ZNF385C: variants seen among roughly 807,000 people sequenced by gnomAD.
ZNF385C encodes the protein zinc finger protein 385C.
Under a neutral mutation model 35.4 loss-of-function variants are expected in ZNF385C, and 28 were observed. The observed-to-expected ratio is 0.79, with a 90% CI of 0.59 to 1.08. The LOEUF is 1.08. Ranked by LOEUF, ZNF385C falls within the 50% of genes least tolerant of loss-of-function variation. The probability of loss-of-function intolerance (pLI) is 0.00; values close to 1 mark genes in which losing one functional copy is unlikely to be tolerated. For synonymous variants in ZNF385C, 248 were observed against 248.2 expected, an observed-to-expected ratio of 1.00 and a Z score of 0.01; for missense variants, 605 against 595.6, an observed-to-expected ratio of 1.02 and a Z score of -0.16.
intron 2 of ZNF385C, among the ~76,000 whole-genome samples, chr17:42,058,781 G>A (rs1567991625): frequency 2.0e-5 from 3 of 152,104 alleles, no homozygotes; most frequent in South Asian, 4.1e-4. Context: ...TCAGCCTCCC[G>A]AGTAGCTGGG....
intron 1 of ZNF385C, among the ~76,000 whole-genome samples, chr17:42,063,980 G>A (rs952976223): frequency 6.6e-6 from 1 of 152,074 alleles, no homozygotes; most frequent in Non-Finnish European, 1.5e-5. Context: ...GCAACAGTTG[G>A]TGGTTTCGGT....
intron 1 of ZNF385C, among the ~76,000 whole-genome samples, chr17:42,094,293 T>C (rs1383009058): frequency 1.3e-5 from 2 of 152,168 alleles, no homozygotes; most frequent in African/African-American, 4.8e-5. Flanking sequence ...GTCACCTTCT[T>C]TCAGGACTCT....
chr17:42,051,790 G>A (rs2053286760), intron 2 of ZNF385C, among the ~76,000 whole-genome samples: 3 of 152,176 alleles, frequency 2.0e-5, no homozygotes, highest in Admixed American at 1.3e-4. Context: ...AGCCCCACCA[G>A]TGGCTGCTGG....
intron 3 of ZNF385C, among the ~76,000 whole-genome samples, chr17:42,036,968 G>T (rs2052869639): frequency 6.6e-6 from 1 of 152,154 alleles, no homozygotes; most frequent in Non-Finnish European, 1.5e-5. Flanking sequence ...AGAGATGGTT[G>T]CTGATCCCTC....
chr17:42,068,125 C>T (rs1198038496), intron 1 of ZNF385C, among the ~76,000 whole-genome samples: 1 of 152,120 alleles, frequency 6.6e-6, no homozygotes, highest in Admixed American at 6.5e-5. Flanking sequence ...CCACACTGCC[C>T]CAGCTAAGCT....
chr17:42,066,449 T>A (rs1465585053), intron 1 of ZNF385C, among the ~76,000 whole-genome samples: 5 of 152,178 alleles, frequency 3.3e-5, no homozygotes, highest in Non-Finnish European at 7.3e-5. Context: ...TGTACCTGGG[T>A]CACTGCAAAT....
At chr17:42,066,390 T>G (rs1337321467) in intron 1 of ZNF385C, among the ~76,000 whole-genome samples, 1 of 152,152 alleles carries the variant, frequency 6.6e-6, no homozygotes, top group African/African-American at 2.4e-5. Context: ...AGTGTGTCTG[T>G]CTCTTGCAGC....
chr17:42,039,457 G>A (rs897298032), intron 2 of ZNF385C: 10 of 378,838 alleles, frequency 2.6e-5, no homozygotes, highest in Non-Finnish European at 4.2e-5. Context: ...GGCCAGGAAT[G>A]ATTTAGGGTA....
chr17:42,076,608 T>C (rs1408504991), intron 1 of ZNF385C, among the ~76,000 whole-genome samples: 2 of 151,798 alleles, frequency 1.3e-5, no homozygotes, highest in African/African-American at 4.8e-5. Flanking sequence ...GGCGATAAAA[T>C]GAGACTCTGT....
At chr17:42,098,249 G>A (rs1159386389) in intron 1 of ZNF385C, among the ~76,000 whole-genome samples, 161 bp downstream of exon 1, 1 of 152,240 alleles carries the variant, frequency 6.6e-6, no homozygotes, top group Admixed American at 6.5e-5. Context: ...CCCAGCAGAT[G>A]CCCAACGTCG....
At chr17:42,031,917 T>C in intron 4 of ZNF385C, 133 bp from the exon 5 acceptor site, 2 of 980,714 alleles carry the variant, frequency 2.0e-6, no homozygotes, top group Non-Finnish European at 1.5e-6. Flanking sequence ...GTCCTTGTCC[T>C]TGTCATCATC....
intron 2 of ZNF385C, among the ~76,000 whole-genome samples, chr17:42,054,947 C>T (rs1473571364): frequency 6.6e-6 from 1 of 152,106 alleles, no homozygotes; most frequent in Non-Finnish European, 1.5e-5. Context: ...CATTCTTCTC[C>T]TCTCCATTCA....
rs2052629867 is a variant in ZNF385C, at chr17:42,027,873, G to C, written c.1165-145C>G. The stretch of plus-strand genomic sequence containing the variant: ...GGTCCTCACCCTGGGGTAGGCCCTG[G>C]GAAGGGGAGGTGAGTCTTGGCCTTT... On this transcript the variant is annotated intron_variant, in intron 7 of 8. Coordinates refer to ENST00000692273, the MANE Select transcript of ZNF385C (RefSeq NM_001392013.1). 1.5e-5 allele frequency: 18 copies of C among 1,198,898 alleles called. No homozygotes were observed. The South Asian group carries it at 2.3e-4, about 15-fold the overall frequency. The allele number at this position is 1,198,898 out of a possible 1,614,324, so 74.3% of individuals were successfully genotyped here.
At chr17:42,069,952 G>T (rs541745303) in intron 1 of ZNF385C, among the ~76,000 whole-genome samples, 1 of 152,314 alleles carries the variant, frequency 6.6e-6, no homozygotes, top group African/African-American at 2.4e-5. Context: ...TGAGGCAGGA[G>T]AATTGCTTGA....
chr17:42,082,009 C>A (rs2053754476), intron 1 of ZNF385C, among the ~76,000 whole-genome samples: 1 of 152,182 alleles, frequency 6.6e-6, no homozygotes, highest in African/African-American at 2.4e-5. Flanking sequence ...CCACCTGCTG[C>A]TCCCATGAGC....
In ZNF385C at chr17:42,038,290, A is replaced by G. The variant is rs1401928948; in HGVS notation, c.251-405T>C. 16 of 534,056 alleles carry G rather than the reference A, an allele frequency of 3.0e-5. No individual in the cohort carries two copies. The Admixed American group carries it at 5.4e-4, about 18-fold the overall frequency. 33.1% of individuals were successfully genotyped at this position (534,056 alleles called of 1,614,324 possible). A position where few individuals can be genotyped will look rare whatever the true frequency, so the allele number is the denominator to read the frequency against. ...AACTCAAACCCAGGGGTATTAGGAA[A>G]AGGCTAGCCCTCGCCCCTCTCACTC... On this transcript the variant is annotated intron_variant, in intron 2 of 8. Transcript: ENST00000692273.
rs1555655621 is a variant in ZNF385C, at chr17:42,037,750, G to C, written c.386C>G (p.Pro129Arg). 31 of 1,534,466 alleles carry C rather than the reference G, an allele frequency of 2.0e-5. No individual in the cohort carries two copies. The highest frequency in any genetic ancestry group is 1.7e-5 in the Non-Finnish European group (19 of 1,140,194). ...CCCAGCCCATACCGTGCTGAAGTTG[G>C]GGAAGAGACTGAGCGGGGCAGCGCC... ...FNGAAPLSLFPNFSTMDPVQK... is the reference protein window; with the variant it reads ...FNGAAPLSLFRNFSTMDPVQK... The change falls in exon 3 of 9, where the codon CCC (proline) becomes CGC (arginine). Residue 129 changes from proline to arginine, a missense_variant. By Grantham distance (103) the Pro-to-Arg change is moderately radical. Coordinates refer to ENST00000692273, the MANE Select transcript of ZNF385C (RefSeq NM_001392013.1).
chr17:42,041,291 G>A (rs2053015096), intron 2 of ZNF385C: 2 of 1,035,948 alleles, frequency 1.9e-6, no homozygotes, highest in Admixed American at 4.3e-5. Flanking sequence ...CAGGCCTTGA[G>A]GTTAGACAGA....
intron 2 of ZNF385C, chr17:42,041,106 G>A (rs1314859032): frequency 8.1e-7 from 1 of 1,232,328 alleles, no homozygotes; most frequent in Non-Finnish European, 1.0e-6. Context: ...GCCAGTCTCT[G>A]GTCTCGTCCA....
Sources: allele counts gnomAD v4.1 joint callset (sites outside exome capture counted in the v4.1 genomes callset), GRCh38; gene constraint gnomAD v4.1.1; transcripts MANE v1.5; gene names NCBI Gene and HGNC (gene_info 2026-07-23, HGNC 2026-07-21).